Variants in NUBPL observed in about 807,000 individuals in gnomAD.
The protein encoded by NUBPL is iron-sulfur cluster transfer protein NUBPL.
NUBPL carries 31 observed loss-of-function variants against 45.7 expected under a neutral mutation model. That is an observed-to-expected ratio of 0.68 (90% CI 0.51 to 0.92). NUBPL has a LOEUF of 0.92. Among genes scored for constraint, NUBPL ranks in the 40% least tolerant of loss-of-function variants. The pLI is 0.00. For synonymous variants in NUBPL, 144 were observed against 140.9 expected (o/e 1.02, Z -0.15); for missense variants, 401 against 398.7 (o/e 1.01, Z -0.05).
chr14:31,661,895 GT>G (rs1330651356), intron 4 of NUBPL: 1 of 152,152 alleles, frequency 6.6e-6, no homozygotes, highest in African/African-American at 2.4e-5. Context: ...TTTTAATTTT[GT>G]TTACTGATAC....
In NUBPL at chr14:31,825,065, A is replaced by G. The variant is rs551349419; in HGVS notation, c.608-1564A>G. ...TAGTACTACCTGGTTTCTGTAGGGTAGTAGTGGAGATCCAGAAAATTTGCC... is the reference window on the plus strand; with the variant it reads ...TAGTACTACCTGGTTTCTGTAGGGTGGTAGTGGAGATCCAGAAAATTTGCC... On this transcript the variant is annotated intron_variant, in intron 7 of 10. Coordinates refer to ENST00000281081, the MANE Select transcript of NUBPL (RefSeq NM_025152.3). Among the ~76,000 whole-genome samples, 4 of 152,324 alleles carry G rather than the reference A, an allele frequency of 2.6e-5. No individual in the cohort carries two copies. In the South Asian group the frequency reaches 8.3e-4, roughly 32 times the overall value.
At chr14:31,586,683 G>T (rs2034004543) in intron 3 of NUBPL, among the ~76,000 whole-genome samples, 1 of 152,138 alleles carries the variant, frequency 6.6e-6, no homozygotes, top group Admixed American at 6.5e-5. Context: ...TGGATCTCAT[G>T]AACATCTTTT....
At chr14:31,624,507 C>G (rs1455718433) in intron 4 of NUBPL, among the ~76,000 whole-genome samples, 20 of 152,058 alleles carry the variant, frequency 1.3e-4, no homozygotes, top group Admixed American at 1.3e-3. Context: ...ATCAATGAAT[C>G]TCAACCAGAG....
At chr14:31,659,430 G>A (rs1051541837) in intron 4 of NUBPL, among the ~76,000 whole-genome samples, 1 of 152,184 alleles carries the variant, frequency 6.6e-6, no homozygotes, top group Non-Finnish European at 1.5e-5. Flanking sequence ...TGGTGACAAG[G>A]CACATATAAA....
intron 6 of NUBPL, among the ~76,000 whole-genome samples, chr14:31,677,041 T>C (rs2036717177): frequency 6.6e-6 from 1 of 152,110 alleles, no homozygotes; most frequent in African/African-American, 2.4e-5. Context: ...AATTCTTAAT[T>C]TAAAAATTTT....
Position 31,827,819 on chromosome 14 carries a change from T to C in NUBPL, c.693+1105T>C, listed in dbSNP as rs147055022. On this transcript the variant is annotated intron_variant, in intron 8 of 10. Transcript: ENST00000281081. ...CATGACACAGGATAAGATCCAGTAA[T>C]GTATTTGAATGAATGGACTTGAAGG... Among the ~76,000 whole-genome samples the C allele has an allele frequency of 1.8e-3, 277 of 152,342 alleles. 1 individual carries two copies. The highest frequency in any genetic ancestry group is 6.3e-3 in the African/African-American group (263 of 41,578).
chr14:31,732,937 T>C (rs1173002672), intron 6 of NUBPL, among the ~76,000 whole-genome samples: 1 of 151,984 alleles, frequency 6.6e-6, no homozygotes, highest in African/African-American at 2.4e-5. Flanking sequence ...TAGTACTTTT[T>C]TGGGTCCTAA....
chr14:31,640,452 T>C (rs898782667), intron 4 of NUBPL, among the ~76,000 whole-genome samples: 58 of 151,428 alleles, frequency 3.8e-4, no homozygotes, highest in East Asian at 1.9e-4. Context: ...ATACAAAAAT[T>C]AGTAAAAATA....
intron 7 of NUBPL, among the ~76,000 whole-genome samples, chr14:31,806,057 A>T (rs2138881994): frequency 6.6e-6 from 1 of 152,336 alleles, no homozygotes; most frequent in South Asian, 2.1e-4. Context: ...AAACATTTAT[A>T]TGTAGAAAAA....
rs2038785429 is a variant in NUBPL at position 31,760,603 on chromosome 14, A to G, written c.514-27177A>G. Among the ~76,000 whole-genome samples the G allele has an allele frequency of 2.0e-5, 3 of 152,252 alleles. No individual in the cohort carries two copies. The South Asian group carries it at 6.2e-4, about 32-fold the overall frequency. On this transcript the variant is annotated intron_variant, in intron 6 of 10. Coordinates refer to ENST00000281081, the MANE Select transcript of NUBPL (RefSeq NM_025152.3). ...TTTTGTGCCTGGCTTATTTCACTTA[A>G]CATAATACCTTCTAGATTCATCCAC...
intron 6 of NUBPL, among the ~76,000 whole-genome samples, chr14:31,710,284 C>T (rs1001471780): frequency 6.6e-6 from 1 of 152,104 alleles, no homozygotes; most frequent in African/African-American, 2.4e-5. Context: ...CTCCCCCTGC[C>T]CAAGAACCTG....
chr14:31,641,693 C>T (rs932272713), intron 4 of NUBPL, among the ~76,000 whole-genome samples: 1 of 152,092 alleles, frequency 6.6e-6, no homozygotes, highest in Non-Finnish European at 1.5e-5. Context: ...TGGATATATA[C>T]CCAGCAGTCA....
intron 6 of NUBPL, among the ~76,000 whole-genome samples, chr14:31,723,120 T>C (rs1226219231): frequency 6.6e-6 from 1 of 152,218 alleles, no homozygotes; most frequent in African/African-American, 2.4e-5. Context: ...GATTTTTGTA[T>C]ATGGTGTAAG....
chr14:31,614,821 T>C (rs2034853569), intron 4 of NUBPL, among the ~76,000 whole-genome samples: 1 of 152,224 alleles, frequency 6.6e-6, no homozygotes, highest in African/African-American at 2.4e-5. Context: ...ATTATAAGCA[T>C]CAGTACATGC....
At position 31,593,100 on chromosome 14, in the gene NUBPL, T is replaced by A. The variant is rs149560329; in HGVS notation, c.292-6189T>A. 6.6e-5 allele frequency among the ~76,000 whole-genome samples: 10 copies of A among 152,236 alleles called. No homozygotes were observed. The East Asian group carries it at 1.9e-3, about 29-fold the overall frequency. On this transcript the variant is annotated intron_variant, in intron 3 of 10. Coordinates refer to ENST00000281081, the MANE Select transcript of NUBPL (RefSeq NM_025152.3). ...AAGTAATACAAATAAAAATACAGTA[T>A]AATAACAATTTACATAAAATTTATA...
At chr14:31,801,399 C>T (rs1006288325) in intron 7 of NUBPL, among the ~76,000 whole-genome samples, 3 of 152,154 alleles carry the variant, frequency 2.0e-5, no homozygotes, top group East Asian at 1.9e-4. Flanking sequence ...CACAACATTG[C>T]TCCTTCATGG....
intron 4 of NUBPL, chr14:31,667,726 T>G (rs978045384): frequency 4.6e-5 from 7 of 152,268 alleles, no homozygotes; most frequent in Non-Finnish European, 8.8e-5. Context: ...GACCTTTGGA[T>G]AGGTTTTTTG....
intron 6 of NUBPL, among the ~76,000 whole-genome samples, chr14:31,704,017 G>T (rs183272293): frequency 6.6e-6 from 1 of 152,108 alleles, no homozygotes; most frequent in South Asian, 2.1e-4. Context: ...TGCTCATGCC[G>T]GTCTAACTAC....
chr14:31,779,856 C>G (rs2039160746), intron 6 of NUBPL, among the ~76,000 whole-genome samples: 1 of 152,178 alleles, frequency 6.6e-6, no homozygotes, highest in Non-Finnish European at 1.5e-5. Context: ...AGCTGGGAAG[C>G]CAAACCGAGG....
Sources: allele counts gnomAD v4.1 joint callset (sites outside exome capture counted in the v4.1 genomes callset), GRCh38; gene constraint gnomAD v4.1.1; transcripts MANE v1.5; gene names NCBI Gene and HGNC (gene_info 2026-07-23, HGNC 2026-07-21).